The following KLF11 variants were observed in gnomAD, a reference collection of about 807,000 sequenced individuals.
The protein encoded by KLF11 is KLF transcription factor 11.
A neutral mutation model predicts 29.9 loss-of-function variants in KLF11; 26 were observed. The observed-to-expected ratio is 0.87, with a 90% CI of 0.64 to 1.21. The LOEUF is 1.21. Among genes scored for constraint, KLF11 ranks in the 50% most tolerant of loss-of-function variants. KLF11 has a pLI of 0.00. For missense variants in KLF11, 778 were observed against 665.7 expected (o/e 1.17, Z -1.86); for synonymous variants, 318 against 257.4 (o/e 1.24, Z -2.25).
In KLF11 at chr2:10,054,619, TGCTGACGGCC is replaced by T. The variant is rs1480446814; in HGVS notation, c.*2117_*2126del. 1 of 152,700 alleles carries T rather than the reference TGCTGACGGCC, an allele frequency of 6.5e-6. No homozygotes were observed. The highest frequency in any genetic ancestry group is 2.4e-5 in the African/African-American group (1 of 41,476). 9.5% of individuals were successfully genotyped at this position (152,700 alleles called of 1,614,324 possible). The stretch of plus-strand genomic sequence containing the variant: ...GGAGCCCTCAGCTGGCGGCTCTGGG[TGCTGACGGCC>T]GCTGGAGAGGTGGGCTCCCCTCGTG... On this transcript the variant is annotated 3_prime_UTR_variant, in exon 4 of 4. Transcript: ENST00000305883.
chr2:10,046,796 A>C (rs1420192849), intron 2 of KLF11, among the ~76,000 whole-genome samples: 1 of 152,192 alleles, frequency 6.6e-6, no homozygotes, highest in Non-Finnish European at 1.5e-5. Flanking sequence ...CGGAGGTTGC[A>C]GTGAGCCGAG....
intron 3 of KLF11, among the ~76,000 whole-genome samples, chr2:10,050,380 C>G (rs1411399236): frequency 6.8e-6 from 1 of 147,662 alleles, no homozygotes; most frequent in East Asian, 2.0e-4. Context: ...ACACTCCAAC[C>G]TGGGCGACAG....
At chr2:10,046,657 C>T (rs1480245485) in intron 2 of KLF11, among the ~76,000 whole-genome samples, 2 of 152,124 alleles carry the variant, frequency 1.3e-5, no homozygotes, top group Admixed American at 1.3e-4. Flanking sequence ...GAGTTCGAGA[C>T]CAGCCAGACC....
intron 3 of KLF11, among the ~76,000 whole-genome samples, chr2:10,051,277 C>G (rs1257793478): frequency 1.3e-5 from 2 of 151,498 alleles, no homozygotes; most frequent in African/African-American, 4.9e-5. Flanking sequence ...GGCGCGATCT[C>G]CGCTCATTGC....
At chr2:10,049,623 C>T (rs1661343535) in intron 3 of KLF11, among the ~76,000 whole-genome samples, 1 of 152,208 alleles carries the variant, frequency 6.6e-6, no homozygotes, top group Non-Finnish European at 1.5e-5. Flanking sequence ...CCCTCTTGGC[C>T]CTCTGCCCAT....
intron 2 of KLF11, 121 bp downstream of exon 2, chr2:10,046,540 CTG>C: frequency 9.3e-7 from 1 of 1,077,992 alleles, no homozygotes; most frequent in African/African-American, 1.5e-5. Flanking sequence ...CGTATCCTCT[CTG>C]TGTGGGTCTG....
chr2:10,047,885 C>G lies in KLF11; in HGVS notation c.548C>G (p.Pro183Arg), dbSNP rs761046978. Residue 183 changes from proline (P) to arginine (R), a missense_variant, in exon 3 of 4, where the codon CCT (proline) becomes CGT (arginine). Pro to Arg is a moderately radical substitution (Grantham distance 103, BLOSUM62 -2). Transcript: ENST00000305883. ...GTGATCCGACACACTGGGGAGAGCC[C>G]TGCTGCCTGCTTTCCCACCATCCAG... ...TSVIRHTGES[P>R]AACFPTIQTP... The G allele has an allele frequency of 1.2e-6, 2 of 1,613,816 alleles. No homozygotes were observed. The highest frequency in any genetic ancestry group is 1.7e-6 in the Non-Finnish European group (2 of 1,180,026).
Position 10,046,134 on chromosome 2 carries a change from G to A in KLF11, c.43-16G>A. On this transcript the variant is annotated splice_polypyrimidine_tract_variant and intron_variant, in intron 1 of 3. Transcript: ENST00000305883. The stretch of plus-strand genomic sequence containing the variant: ...TTCCCCTGCACTGAGAAGCCGTTGT[G>A]TTGTGTCGCCTTTAGGTTGACATCA... 6.2e-7 allele frequency: 1 copy of A among 1,613,102 alleles called. No homozygotes were observed. Among genetic ancestry groups the A allele is most frequent in the Middle Eastern group, 1.9e-4 (1 of 5,168 alleles).
intron 1 of KLF11, among the ~76,000 whole-genome samples, chr2:10,045,353 A>G (rs1348504645): frequency 6.6e-6 from 1 of 151,992 alleles, no homozygotes. Flanking sequence ...CCGGGAGGTC[A>G]GTTCAAGGCC....
chr2:10,045,799 C>G (rs1661178029), intron 1 of KLF11, among the ~76,000 whole-genome samples: 2 of 152,260 alleles, frequency 1.3e-5, no homozygotes, highest in African/African-American at 4.8e-5. Flanking sequence ...CTCCTCCTCC[C>G]TGGGCAGCTG....
rs2125284234 is a variant in KLF11, at chr2:10,053,771, G to C, written c.*1264G>C. 4 of 191,894 alleles carry C rather than the reference G, an allele frequency of 2.1e-5. No homozygotes were observed. The South Asian group carries it at 7.8e-4, about 37-fold the overall frequency. 11.9% of individuals were successfully genotyped at this position (191,894 alleles called of 1,614,324 possible). On this transcript the variant is annotated 3_prime_UTR_variant, in exon 4 of 4. Coordinates refer to ENST00000305883, the MANE Select transcript of KLF11 (RefSeq NM_003597.5). Reference sequence around the variant, plus strand: ...ACTGTATGAGCACGTAGATAACCGAGAGAATGTGGCCACCTGTGTTCAAGA... The same window carrying C: ...ACTGTATGAGCACGTAGATAACCGACAGAATGTGGCCACCTGTGTTCAAGA...
intron 1 of KLF11, chr2:10,044,326 C>T (rs1661109497): frequency 1.0e-6 from 1 of 985,058 alleles, no homozygotes; most frequent in African/African-American, 1.7e-5. Flanking sequence ...ACGCGGCACG[C>T]GAGCGTTGGG....
Position 10,052,550 on chromosome 2 carries a change from CT to C in KLF11, c.*46del. The C allele has an allele frequency of 6.2e-7, 1 of 1,600,774 alleles. No individual in the cohort carries two copies. The highest frequency in any genetic ancestry group is 8.5e-7 in the Non-Finnish European group (1 of 1,173,308). On this transcript the variant is annotated 3_prime_UTR_variant, in exon 4 of 4. Coordinates refer to ENST00000305883, the MANE Select transcript of KLF11 (RefSeq NM_003597.5). ...CACTCATGGGATTTTTAAAAAGCCT[CT>C]TTCCAGGAATGGAACTGATGGATTC...
chr2:10,052,610 T>C lies in KLF11; in HGVS notation c.*103T>C. 1 of 1,299,564 alleles carries C rather than the reference T, an allele frequency of 7.7e-7. No homozygotes were observed. The highest frequency in any genetic ancestry group is 1.1e-6 in the Non-Finnish European group (1 of 922,622). 80.5% of individuals were successfully genotyped at this position (1,299,564 alleles called of 1,614,324 possible). ...CTGCCTCACCCAAAAAAAACGGTCT[T>C]GGCGGCCTAGGGGAAGATCGGGGAG... On this transcript the variant is annotated 3_prime_UTR_variant, in exon 4 of 4. Coordinates refer to ENST00000305883, the MANE Select transcript of KLF11 (RefSeq NM_003597.5).
chr2:10,047,637 C>G lies in KLF11; in HGVS notation c.313-13C>G. The G allele has an allele frequency of 7.8e-7, 1 of 1,278,856 alleles. No homozygotes were observed. The highest frequency in any genetic ancestry group is 1.3e-5 in the South Asian group (1 of 75,176). 79.2% of individuals were successfully genotyped at this position (1,278,856 alleles called of 1,614,324 possible). ...TTTAAAGCAACCTTTTAACATGGTA[C>G]TTTTTTTTTTAGTGCATAACTCCTC... On this transcript the variant is annotated splice_polypyrimidine_tract_variant and intron_variant, in intron 2 of 3. Transcript: ENST00000305883.
At chr2:10,044,676 C>G (rs1169950392) in intron 1 of KLF11, among the ~76,000 whole-genome samples, 2 of 145,114 alleles carry the variant, frequency 1.4e-5, no homozygotes, top group Admixed American at 1.4e-4. Flanking sequence ...TAGGGAGTCT[C>G]GCTCTATCGC....
rs933520224 is a variant in KLF11, at chr2:10,043,661, G to A, written c.-56G>A. ...CGCCCGCAGCCCACGTGCGGCCGCT[G>A]CTGCGCCCGAGCTCACGCCCCGCGG... is the stretch of plus-strand genomic sequence containing the variant. On this transcript the variant is annotated 5_prime_UTR_variant, in exon 1 of 4. Coordinates refer to ENST00000305883, the MANE Select transcript of KLF11 (RefSeq NM_003597.5). 7 of 1,223,562 alleles carry A rather than the reference G, an allele frequency of 5.7e-6. No individual in the cohort carries two copies. The highest frequency in any genetic ancestry group is 4.7e-5 in the South Asian group (3 of 64,420). 75.8% of individuals were successfully genotyped at this position (1,223,562 alleles called of 1,614,324 possible).
chr2:10,044,442 C>A (rs568985917), intron 1 of KLF11: 1 of 985,480 alleles, frequency 1.0e-6, no homozygotes, highest in Non-Finnish European at 1.2e-6. Flanking sequence ...AGCCCCTTCC[C>A]GCCCGTGTGG....
intron 1 of KLF11, among the ~76,000 whole-genome samples, chr2:10,044,749 T>A (rs1184667264): frequency 6.9e-6 from 1 of 145,322 alleles, no homozygotes; most frequent in Non-Finnish European, 1.5e-5. Context: ...GAGGGAGGGG[T>A]ATTACTCTTC....
Sources: allele counts gnomAD v4.1 joint callset (sites outside exome capture counted in the v4.1 genomes callset), GRCh38; gene constraint gnomAD v4.1.1; transcripts MANE v1.5; gene names NCBI Gene and HGNC (gene_info 2026-07-23, HGNC 2026-07-21).